S100A8: variants seen among roughly 807,000 people sequenced by gnomAD.
The protein encoded by S100A8 is protein S100-A8.
In S100A8, 1 loss-of-function variant was observed where a neutral mutation model predicts 4.2. That is an observed-to-expected ratio of 0.24 (90% CI 0.08 to 1.12). The LOEUF (loss-of-function observed/expected upper bound fraction) is 1.12, where lower values mean the gene tolerates loss of function less well. Among genes scored for constraint, S100A8 ranks in the 50% most tolerant of loss-of-function variants. The pLI is 0.53. For synonymous variants in S100A8, 41 were observed against 44.7 expected (o/e 0.92, Z 0.33); for missense variants, 96 against 111.8 (o/e 0.86, Z 0.64).
chr1:153,421,217 A>G, the S100A8 span: 2 of 152,242 alleles, frequency 1.3e-5, no homozygotes, highest in African/African-American at 4.8e-5. Context: ...ATTACATTTC[A>G]AGGCTGAGCT....
chr1:153,393,308 C>T (rs1050639523), upstream of S100A8, among the ~76,000 whole-genome samples: 1 of 152,224 alleles, frequency 6.6e-6, no homozygotes, highest in Admixed American at 6.5e-5. Flanking sequence ...TTACCCATCA[C>T]AGCATTTGCC....
At chr1:153,410,498 A>C in the S100A8 span, among the ~76,000 whole-genome samples, 1 of 152,228 alleles carries the variant, frequency 6.6e-6, no homozygotes, top group Non-Finnish European at 1.5e-5. Context: ...ATAGCCTACC[A>C]ACCAAAAAAA....
upstream of S100A8, among the ~76,000 whole-genome samples, chr1:153,393,809 G>C (rs1156321271): frequency 6.6e-6 from 1 of 152,172 alleles, no homozygotes; most frequent in Non-Finnish European, 1.5e-5. Context: ...TAGTGATGTG[G>C]ACATTACAAG....
In S100A8 at chr1:153,390,482, C is replaced by G; in HGVS notation, c.54G>C (p.Lys18Asn). ...ALNSIIDVYHKYSLIKGNFHA... is the reference protein window; with the variant it reads ...ALNSIIDVYHNYSLIKGNFHA... The stretch of plus-strand genomic sequence containing the variant: ...GGAAATTCCCCTTTATCAGGGAGTA[C>G]TTGTGGTAGACGTCGATGATAGAGT... Residue 18 changes from lysine to asparagine, a missense_variant, in exon 2 of 3, where the codon AAG becomes AAC. Coordinates refer to ENST00000368733, the MANE Select transcript of S100A8 (RefSeq NM_002964.5). 1 of 1,614,206 alleles carries G rather than the reference C, an allele frequency of 6.2e-7. No homozygotes were observed. Among genetic ancestry groups the G allele is most frequent in the Non-Finnish European group, 8.5e-7 (1 of 1,180,044 alleles).
At chr1:153,417,942 A>AT in the S100A8 span, 2 of 1,272,448 alleles carry the variant, frequency 1.6e-6, no homozygotes, top group East Asian at 2.4e-5. Flanking sequence ...ATTTAAAAAA[A>AT]TCAAGTTCCT....
At chr1:153,403,338 G>C in the S100A8 span, among the ~76,000 whole-genome samples, 1 of 152,302 alleles carries the variant, frequency 6.6e-6, no homozygotes, top group South Asian at 2.1e-4. Flanking sequence ...GTGTTGGAAA[G>C]ACTATTCTTT....
At chr1:153,394,342 G>A (rs1245361130), upstream of S100A8, among the ~76,000 whole-genome samples, 3 of 152,192 alleles carry the variant, frequency 2.0e-5, no homozygotes, top group African/African-American at 4.8e-5. Flanking sequence ...CTTCTCAGGT[G>A]AGACAGGTAT....
chr1:153,418,902 T>C, the S100A8 span, among the ~76,000 whole-genome samples: 8 of 151,930 alleles, frequency 5.3e-5, no homozygotes, highest in African/African-American at 9.7e-5. Context: ...CTTAACAGAG[T>C]GCCTCGGGAC....
At chr1:153,401,796 T>C in the S100A8 span, among the ~76,000 whole-genome samples, 1 of 152,232 alleles carries the variant, frequency 6.6e-6, no homozygotes, top group Non-Finnish European at 1.5e-5. Context: ...GAGGATCAAG[T>C]AATTACCTTA....
chr1:153,419,035 C>T, the S100A8 span: 53 of 1,177,100 alleles, frequency 4.5e-5, no homozygotes, highest in Non-Finnish European at 6.3e-5. Context: ...CACGACCATG[C>T]CTGTGCAGAT....
chr1:153,397,571 G>A, the S100A8 span, among the ~76,000 whole-genome samples: 1 of 152,180 alleles, frequency 6.6e-6, no homozygotes, highest in East Asian at 1.9e-4. Context: ...GACAGAGTGG[G>A]AAGAGACAAG....
At chr1:153,417,475 T>G in the S100A8 span, among the ~76,000 whole-genome samples, 2 of 152,204 alleles carry the variant, frequency 1.3e-5, no homozygotes, top group Non-Finnish European at 2.9e-5. Flanking sequence ...AAGGGCCCCC[T>G]GTCCTCGGGA....
upstream of S100A8, among the ~76,000 whole-genome samples, chr1:153,395,535 T>C (rs1389163205): frequency 6.6e-6 from 1 of 152,144 alleles, no homozygotes; most frequent in Non-Finnish European, 1.5e-5. Flanking sequence ...TGAAGCTGTT[T>C]ACCTCCTCGT....
upstream of S100A8, among the ~76,000 whole-genome samples, chr1:153,391,656 C>T (rs1662101371): frequency 6.6e-6 from 1 of 152,090 alleles, no homozygotes; most frequent in African/African-American, 2.4e-5. Flanking sequence ...TGTGTTGTTG[C>T]CAAGGGCTAT....
upstream of S100A8, among the ~76,000 whole-genome samples, chr1:153,394,822 G>A (rs1365083878): frequency 6.6e-6 from 1 of 152,102 alleles, no homozygotes; most frequent in African/African-American, 2.4e-5. Context: ...GGTGGGGAGG[G>A]AACCAGACCA....
the S100A8 span, among the ~76,000 whole-genome samples, chr1:153,401,067 C>T: frequency 6.6e-6 from 1 of 152,170 alleles, no homozygotes; most frequent in East Asian, 1.9e-4. Flanking sequence ...ATGCCAATAC[C>T]CAGTGATGAT....
At chr1:153,418,051 CTT>C in the S100A8 span, 2 of 1,612,738 alleles carry the variant, frequency 1.2e-6, no homozygotes, top group South Asian at 2.2e-5. Context: ...AAATGATTGT[CTT>C]TATTTCCTGA....
chr1:153,393,353 CTT>C (rs377367785), upstream of S100A8, among the ~76,000 whole-genome samples: 57 of 152,310 alleles, frequency 3.7e-4, no homozygotes, highest in African/African-American at 1.4e-3. Context: ...TATTGTCTGT[CTT>C]TTCTTTGGGA....
the S100A8 span, chr1:153,419,184 A>G: frequency 3.1e-6 from 5 of 1,614,028 alleles, no homozygotes; most frequent in Admixed American, 5.0e-5. Context: ...TGTCTTTGAG[A>G]AAAAGGACAA....
Sources: gnomAD v4.1 joint callset for allele counts (sites outside exome capture counted in the v4.1 genomes callset) on GRCh38, gnomAD v4.1.1 for gene constraint, MANE v1.5 for transcripts, NCBI Gene and HGNC (gene_info 2026-07-23, HGNC 2026-07-21) for gene names.